Variants in MALRD1 observed in about 807,000 individuals in gnomAD.
The protein encoded by MALRD1 is MAM and LDL-receptor class A domain-containing protein 1.
In MALRD1, 247 loss-of-function variants were observed where a neutral mutation model predicts 242.1. The observed-to-expected ratio is 1.02, with a 90% CI of 0.92 to 1.13. The LOEUF (loss-of-function observed/expected upper bound fraction) is 1.13, where lower values mean the gene tolerates loss of function less well. Among genes scored for constraint, MALRD1 ranks in the 50% most tolerant of loss-of-function variants. The pLI is 0.00. For missense variants in MALRD1, 2,989 were observed against 2,533.1 expected, an observed-to-expected ratio of 1.18 and a Z score of -3.86; for synonymous variants, 995 against 866.6, an observed-to-expected ratio of 1.15 and a Z score of -2.60.
At chr10:19,345,474 A>G (rs990871134) in intron 24 of MALRD1, among the ~76,000 whole-genome samples, 5 of 152,068 alleles carry the variant, frequency 3.3e-5, no homozygotes, top group South Asian at 2.1e-4. Context: ...TTTTCCTGAC[A>G]TCTACTCCCC....
chr10:19,341,484 GTATATATA>G (rs35757112), intron 24 of MALRD1, among the ~76,000 whole-genome samples: 55 of 144,398 alleles, frequency 3.8e-4, no homozygotes, highest in South Asian at 1.5e-3. Context: ...ATATATATGT[GTATATATA>G]TGTATATATG....
At chr10:19,459,668 A>G (rs1400933551) in intron 29 of MALRD1, among the ~76,000 whole-genome samples, 1 of 152,032 alleles carries the variant, frequency 6.6e-6, no homozygotes, top group Non-Finnish European at 1.5e-5. Flanking sequence ...CAAGTAAACC[A>G]TTTGTTACGT....
intron 26 of MALRD1, among the ~76,000 whole-genome samples, chr10:19,380,109 G>C (rs1022357080): frequency 1.7e-4 from 25 of 151,262 alleles, no homozygotes; most frequent in Non-Finnish European, 3.4e-4. Flanking sequence ...CAAGTAGCTG[G>C]GATTACAGAC....
chr10:19,430,027 C>T (rs539561765), intron 28 of MALRD1, among the ~76,000 whole-genome samples: 12 of 151,868 alleles, frequency 7.9e-5, no homozygotes, highest in Admixed American at 3.3e-4. Context: ...ATTCGAGATT[C>T]CCATAATATT....
intron 32 of MALRD1, among the ~76,000 whole-genome samples, chr10:19,565,685 T>C (rs983459837): frequency 2.6e-5 from 4 of 152,180 alleles, no homozygotes; most frequent in Admixed American, 6.5e-5. Context: ...TTGGGATGAG[T>C]GCTTACGTGT....
At chr10:19,293,255 T>C (rs1841533553) in intron 21 of MALRD1, among the ~76,000 whole-genome samples, 1 of 151,592 alleles carries the variant, frequency 6.6e-6, no homozygotes, top group South Asian at 2.1e-4. Flanking sequence ...CAGCTGAAAT[T>C]TAAATCAACT....
chr10:19,693,525 G>A (rs962527050), intron 38 of MALRD1, among the ~76,000 whole-genome samples: 4 of 152,152 alleles, frequency 2.6e-5, no homozygotes, highest in Non-Finnish European at 5.9e-5. Flanking sequence ...CAAGGGATGT[G>A]AAGGACCTCT....
intron 11 of MALRD1, among the ~76,000 whole-genome samples, chr10:19,148,060 T>G (rs951160508): frequency 4.6e-5 from 7 of 152,282 alleles, no homozygotes; most frequent in South Asian, 2.1e-4. Flanking sequence ...CAGGTAGTCA[T>G]GTTAAAGCAT....
Position 19,707,619 on chromosome 10 carries a change from G to C in MALRD1, c.6314+15065G>C, listed in dbSNP as rs187415140. Among the ~76,000 whole-genome samples, 18 of 152,116 alleles carry C rather than the reference G, an allele frequency of 1.2e-4. No homozygotes were observed. In the East Asian group the frequency reaches 3.5e-3, roughly 29 times the overall value. On this transcript the variant is annotated intron_variant, in intron 38 of 39. Transcript: ENST00000454679. ...CAGTGATTGCTTAATACAAGTCATGGGTTTGAAGTCATGGGTTTGATGTGC... is the reference window on the plus strand; with the variant it reads ...CAGTGATTGCTTAATACAAGTCATGCGTTTGAAGTCATGGGTTTGATGTGC...
At chr10:19,422,475 T>C (rs374655264) in intron 28 of MALRD1, among the ~76,000 whole-genome samples, 19 of 152,172 alleles carry the variant, frequency 1.2e-4, no homozygotes, top group African/African-American at 4.1e-4. Context: ...TTAGACAAAA[T>C]GTAAGAGAGG....
chr10:19,263,021 C>T (rs1839822117), intron 19 of MALRD1, among the ~76,000 whole-genome samples: 2 of 152,092 alleles, frequency 1.3e-5, no homozygotes, highest in Admixed American at 6.5e-5. Context: ...TTTTCTTTAT[C>T]CATTCATCTA....
chr10:19,585,061 T>TAAAA (rs199689574), intron 33 of MALRD1, among the ~76,000 whole-genome samples: 78,152 of 151,462 alleles, frequency 0.52, 20,243 homozygotes, highest in African/African-American at 0.55. Context: ...TGCCTTTTTT[T>TAAAA]GTTTTCCATT....
At chr10:19,568,158 A>C (rs543244565) in intron 33 of MALRD1, among the ~76,000 whole-genome samples, 1 of 152,176 alleles carries the variant, frequency 6.6e-6, no homozygotes, top group Non-Finnish European at 1.5e-5. Context: ...AAAAGAAAAA[A>C]AAAGTTCTAT....
At chr10:19,546,657 G>A (rs1054010198) in intron 32 of MALRD1, among the ~76,000 whole-genome samples, 1 of 152,136 alleles carries the variant, frequency 6.6e-6, no homozygotes, top group Non-Finnish European at 1.5e-5. Flanking sequence ...CATTGGTACT[G>A]ATCTTTTCTT....
At position 19,575,482 on chromosome 10, in the gene MALRD1, TTCAC is replaced by T. The variant is rs1410861878; in HGVS notation, c.5680+7780_5680+7783del. Among the ~76,000 whole-genome samples, 5 of 67,212 alleles carry T rather than the reference TTCAC, an allele frequency of 7.4e-5. No individual in the cohort carries two copies. The East Asian group carries it at 1.7e-3, about 23-fold the overall frequency. 44.1% of individuals were successfully genotyped at this position (67,212 alleles called of 152,430 possible). ...AGTGGAATGAAAGTAAAGGCCATGG[TTCAC>T]ACACACACACACACACACACACACA... On this transcript the variant is annotated intron_variant, in intron 33 of 39. Transcript: ENST00000454679.
At chr10:19,263,492 G>T (rs200809609) in intron 19 of MALRD1, among the ~76,000 whole-genome samples, 5 of 143,454 alleles carry the variant, frequency 3.5e-5, no homozygotes, top group East Asian at 2.8e-4. Context: ...ATTATTTGTT[G>T]TTTTTTTTTG....
At chr10:19,416,454 A>C (rs17670074) in intron 28 of MALRD1, among the ~76,000 whole-genome samples, 82,249 of 151,932 alleles carry the variant, frequency 0.54, 25,538 homozygotes, top group African/African-American at 0.87. Flanking sequence ...TCCTGATAAC[A>C]ACTAGCAGCT....
intron 9 of MALRD1, among the ~76,000 whole-genome samples, chr10:19,135,880 C>A (rs1430155169): frequency 6.6e-6 from 1 of 152,122 alleles, no homozygotes; most frequent in African/African-American, 2.4e-5. Flanking sequence ...TACACTTGAC[C>A]AGCAATGTGT....
intron 24 of MALRD1, among the ~76,000 whole-genome samples, chr10:19,334,985 G>A (rs1417361551): frequency 3.3e-5 from 5 of 152,082 alleles, no homozygotes; most frequent in Admixed American, 3.3e-4. Flanking sequence ...CTCTAAAGTT[G>A]TGCGTATTTC....
Sources: allele counts gnomAD v4.1 joint callset (sites outside exome capture counted in the v4.1 genomes callset), GRCh38; gene constraint gnomAD v4.1.1; transcripts MANE v1.5; gene names NCBI Gene and HGNC (gene_info 2026-07-23, HGNC 2026-07-21).